The following FHIT variants were observed in gnomAD, a reference collection of about 807,000 sequenced individuals.
FHIT encodes fragile histidine triad diadenosine triphosphatase.
A neutral mutation model predicts 17.9 loss-of-function variants in FHIT; 19 were observed. The observed-to-expected ratio is 1.06, with a 90% CI of 0.74 to 1.56. FHIT has a LOEUF of 1.56. Among genes scored for constraint, FHIT ranks in the 40% most tolerant of loss-of-function variants. FHIT has a pLI of 0.00. For synonymous variants in FHIT, 81 were observed against 69.7 expected, an observed-to-expected ratio of 1.16 and a Z score of -0.81; for missense variants, 248 against 189.2, an observed-to-expected ratio of 1.31 and a Z score of -1.82.
chr3:60,899,433 A>C (rs1301641771), intron 3 of FHIT, among the ~76,000 whole-genome samples: 1 of 152,232 alleles, frequency 6.6e-6, no homozygotes, highest in African/African-American at 2.4e-5. Context: ...CAACGCCTAC[A>C]TAAGCTTTAT....
At chr3:60,389,331 A>G (rs1260507414) in intron 5 of FHIT, among the ~76,000 whole-genome samples, 1 of 152,184 alleles carries the variant, frequency 6.6e-6, no homozygotes, top group African/African-American at 2.4e-5. Context: ...GGCAAGTTTT[A>G]GGTAACGGTG....
At chr3:60,340,875 A>C (rs559489466) in intron 5 of FHIT, among the ~76,000 whole-genome samples, 1 of 152,230 alleles carries the variant, frequency 6.6e-6, no homozygotes, top group African/African-American at 2.4e-5. Context: ...TATTTTTAGT[A>C]GAGATGGGGT....
intron 5 of FHIT, among the ~76,000 whole-genome samples, chr3:60,374,778 A>G (rs1056540832): frequency 2.6e-5 from 4 of 152,178 alleles, no homozygotes; most frequent in South Asian, 2.1e-4. Context: ...TATTTTCTCA[A>G]CGTTGAGACG....
intron 4 of FHIT, among the ~76,000 whole-genome samples, chr3:60,704,663 A>C (rs781940115): frequency 2.6e-5 from 4 of 152,160 alleles, no homozygotes; most frequent in Non-Finnish European, 4.4e-5. Flanking sequence ...CTGCATCTTA[A>C]TTTGTTGAAT....
At chr3:60,732,361 T>C in intron 4 of FHIT, 1 of 848,184 alleles carries the variant, frequency 1.2e-6, no homozygotes. Flanking sequence ...CCAGTACCTC[T>C]ATGCTTCAGG....
chr3:61,154,615 CA>C (rs1219326119), intron 2 of FHIT, among the ~76,000 whole-genome samples: 1 of 152,162 alleles, frequency 6.6e-6, no homozygotes, highest in Non-Finnish European at 1.5e-5. Flanking sequence ...TTCTGAACGG[CA>C]GCGCGTGTCC....
At chr3:60,870,273 A>G (rs1704353314) in intron 3 of FHIT, among the ~76,000 whole-genome samples, 1 of 151,704 alleles carries the variant, frequency 6.6e-6, no homozygotes. Flanking sequence ...AAAAAAAAAA[A>G]CAGGTCAGCA....
intron 4 of FHIT, among the ~76,000 whole-genome samples, chr3:60,789,901 C>T (rs1700718274): frequency 6.6e-6 from 1 of 152,014 alleles, no homozygotes; most frequent in Admixed American, 6.6e-5. Context: ...TGTGTTGTAC[C>T]ACAGGTGGAT....
chr3:59,972,397 C>G (rs915819957), intron 7 of FHIT, among the ~76,000 whole-genome samples: 2 of 152,126 alleles, frequency 1.3e-5, no homozygotes, highest in Non-Finnish European at 2.9e-5. Context: ...CATCCCCAGA[C>G]TATTCCTTGG....
chr3:60,632,102 GTTTT>G (rs879949293), intron 4 of FHIT, among the ~76,000 whole-genome samples: 2 of 149,748 alleles, frequency 1.3e-5, no homozygotes, highest in East Asian at 3.9e-4. Flanking sequence ...TTTGTTTTTT[GTTTT>G]TTTTTAATTG....
At chr3:60,918,119 C>T (rs1707098388) in intron 3 of FHIT, among the ~76,000 whole-genome samples, 1 of 152,184 alleles carries the variant, frequency 6.6e-6, no homozygotes, top group African/African-American at 2.4e-5. Context: ...ATGGGAGTTC[C>T]CCTGCGCAAG....
At chr3:60,135,035 G>A (rs1444237367) in intron 5 of FHIT, among the ~76,000 whole-genome samples, 1 of 152,130 alleles carries the variant, frequency 6.6e-6, no homozygotes, top group Non-Finnish European at 1.5e-5. Context: ...CAGTGAGGGA[G>A]TGAATATCTA....
chr3:60,069,866 G>T (rs1032024606), intron 5 of FHIT, among the ~76,000 whole-genome samples: 1 of 152,128 alleles, frequency 6.6e-6, no homozygotes, highest in Non-Finnish European at 1.5e-5. Context: ...AGAGATGGGT[G>T]ACTAAGATGC....
intron 5 of FHIT, among the ~76,000 whole-genome samples, chr3:60,492,046 T>C (rs1227232343): frequency 6.6e-6 from 1 of 152,206 alleles, no homozygotes; most frequent in Non-Finnish European, 1.5e-5. Flanking sequence ...CCTGGTGGAA[T>C]GTTGACATCT....
At chr3:60,099,134 C>T (rs772258918) in intron 5 of FHIT, among the ~76,000 whole-genome samples, 20 of 152,062 alleles carry the variant, frequency 1.3e-4, no homozygotes, top group Non-Finnish European at 2.5e-4. Flanking sequence ...AGTAATCATG[C>T]GCTGTTGCCT....
intron 8 of FHIT, 22 bp downstream of exon 8, chr3:59,922,324 A>G (rs1705443988): frequency 6.3e-7 from 1 of 1,590,776 alleles, no homozygotes; most frequent in South Asian, 1.1e-5. Flanking sequence ...TCAAACAATA[A>G]GATCAGAGAG....
At chr3:60,181,248 C>T (rs145118300) in intron 5 of FHIT, among the ~76,000 whole-genome samples, 3,604 of 150,506 alleles carry the variant, frequency 0.024, 61 homozygotes, top group Middle Eastern at 0.052. Context: ...TGGGTTCAAG[C>T]GATTCTCCCA....
intron 2 of FHIT, among the ~76,000 whole-genome samples, chr3:61,189,154 C>T (rs1417411914): frequency 5.3e-5 from 8 of 152,184 alleles, no homozygotes; most frequent in Non-Finnish European, 1.2e-4. Context: ...TCCCTGTTTG[C>T]CGATGACATG....
intron 4 of FHIT, chr3:60,617,594 C>T (rs72889628): frequency 0.013 from 2,040 of 152,806 alleles, 57 homozygotes; most frequent in African/African-American, 0.047. Flanking sequence ...TAGGGAATTG[C>T]TATTTTAATA....
Sources: gnomAD v4.1 joint callset for allele counts (sites outside exome capture counted in the v4.1 genomes callset) on GRCh38, gnomAD v4.1.1 for gene constraint, MANE v1.5 for transcripts, NCBI Gene and HGNC (gene_info 2026-07-23, HGNC 2026-07-21) for gene names.